TNNI3K: variants seen among roughly 807,000 people sequenced by gnomAD.
The protein encoded by TNNI3K is serine/threonine-protein kinase TNNI3K.
In TNNI3K, 140 loss-of-function variants were observed where a neutral mutation model predicts 114.5. The ratio of observed to expected loss-of-function variants is 1.22; its 90% CI spans 1.07 to 1.41. TNNI3K has a LOEUF of 1.41. TNNI3K is among the 40% of genes most tolerant of loss of function. TNNI3K has a pLI of 0.00. For missense variants in TNNI3K, 1,125 were observed against 1,007.6 expected (o/e 1.12, Z -1.58); for synonymous variants, 347 against 347.5 (o/e 1.00, Z 0.02).
intron 17 of TNNI3K, chr1:74,374,410 G>A (rs901498498): frequency 6.6e-6 from 1 of 151,824 alleles, no homozygotes; most frequent in African/African-American, 2.4e-5. Flanking sequence ...TACAGATAAG[G>A]AAACTGACTA....
At chr1:74,353,153 G>A in intron 9 of TNNI3K, 113 bp from the exon 10 acceptor site, 1 of 1,088,488 alleles carries the variant, frequency 9.2e-7, no homozygotes, top group Non-Finnish European at 1.3e-6. Flanking sequence ...TCATTGTCAG[G>A]TTATGGGGGT....
chr1:74,424,680 C>T (rs1160989171), intron 17 of TNNI3K, among the ~76,000 whole-genome samples: 2 of 144,844 alleles, frequency 1.4e-5, no homozygotes, highest in Non-Finnish European at 3.0e-5. Context: ...GAGATCTTGC[C>T]ACTGCACTCC....
chr1:74,505,377 G>A (rs1417094172), intron 23 of TNNI3K, among the ~76,000 whole-genome samples: 1 of 152,174 alleles, frequency 6.6e-6, no homozygotes, highest in Non-Finnish European at 1.5e-5. Context: ...TTTGTGTTGC[G>A]AAGCTGAATC....
chr1:74,267,488 A>G (rs539636833), intron 4 of TNNI3K, among the ~76,000 whole-genome samples: 5 of 152,116 alleles, frequency 3.3e-5, no homozygotes, highest in South Asian at 4.1e-4. Context: ...AGTAAGGTTC[A>G]GTTAGCACTT....
chr1:74,396,104 A>G (rs924297158), intron 17 of TNNI3K, among the ~76,000 whole-genome samples: 4 of 152,190 alleles, frequency 2.6e-5, no homozygotes, highest in Admixed American at 6.5e-5. Flanking sequence ...CCTTCTCTCA[A>G]TGAAAAGCTC....
intron 21 of TNNI3K, chr1:74,471,113 T>A (rs772930860): frequency 3.2e-5 from 13 of 400,658 alleles, no homozygotes; most frequent in Non-Finnish European, 5.7e-5. Flanking sequence ...AATTTTGATG[T>A]GTTTCCATCA....
At chr1:74,284,082 T>A (rs1412823) in intron 5 of TNNI3K, among the ~76,000 whole-genome samples, 88,999 of 152,020 alleles carry the variant, frequency 0.59, 29,922 homozygotes, top group East Asian at 0.82. Flanking sequence ...TTCTTCTTCT[T>A]CTTCTTCTTC....
Position 74,280,156 on chromosome 1 carries a change from G to C in TNNI3K, c.444+8448G>C, listed in dbSNP as rs530731797. 3.8e-3 allele frequency among the ~76,000 whole-genome samples: 573 copies of C among 152,290 alleles called. 4 individuals carry two copies. Among genetic ancestry groups the C allele is most frequent in the African/African-American group, 0.013 (549 of 41,560 alleles). On this transcript the variant is annotated intron_variant, in intron 5 of 24. Coordinates refer to ENST00000326637, the MANE Select transcript of TNNI3K (RefSeq NM_015978.3). ...CCACCACTTTGGGAGGCCGAGATGG[G>C]CTGTTCACGAGGTCAGGAGATCAAG... is the stretch of plus-strand genomic sequence containing the variant.
At chr1:74,326,215 G>A (rs1557498267) in intron 5 of TNNI3K, among the ~76,000 whole-genome samples, 1 of 152,196 alleles carries the variant, frequency 6.6e-6, no homozygotes, top group Admixed American at 6.5e-5. Flanking sequence ...TATTTGGTTT[G>A]GCAATTTCAA....
chr1:74,411,636 C>G (rs1372832539), intron 17 of TNNI3K, among the ~76,000 whole-genome samples: 1 of 151,926 alleles, frequency 6.6e-6, no homozygotes. Context: ...GTGTCTTACA[C>G]TGAGGGGATA....
chr1:74,397,731 G>A (rs1459523310), intron 17 of TNNI3K, among the ~76,000 whole-genome samples: 1 of 152,134 alleles, frequency 6.6e-6, no homozygotes, highest in Non-Finnish European at 1.5e-5. Context: ...TTGTGGATGG[G>A]TCATCCCAAG....
chr1:74,409,543 G>T (rs1237845734), intron 17 of TNNI3K, among the ~76,000 whole-genome samples: 1 of 145,982 alleles, frequency 6.9e-6, no homozygotes, highest in African/African-American at 2.5e-5. Flanking sequence ...ACCCAGGCTG[G>T]AGTGCAGTGG....
intron 5 of TNNI3K, among the ~76,000 whole-genome samples, chr1:74,272,909 A>G (rs1238248053): frequency 2.6e-5 from 4 of 151,954 alleles, no homozygotes; most frequent in South Asian, 2.1e-4. Context: ...TCAAAATCCC[A>G]TGATTGTCAC....
chr1:74,406,390 C>A (rs1415948217), intron 17 of TNNI3K, among the ~76,000 whole-genome samples: 1 of 152,144 alleles, frequency 6.6e-6, no homozygotes, highest in East Asian at 1.9e-4. Context: ...CAAGACAATT[C>A]TTCTTCCAGT....
At position 74,400,551 on chromosome 1, in the gene TNNI3K, T is replaced by A. The variant is rs1264576916; in HGVS notation, c.1772+30159T>A. On this transcript the variant is annotated intron_variant, in intron 17 of 24. Transcript: ENST00000326637. ...CCAAATGCACTGCATGTTGGCTCTATACTAGGACAGGGATGCATGGGGAAA... is the reference window on the plus strand; with the variant it reads ...CCAAATGCACTGCATGTTGGCTCTAAACTAGGACAGGGATGCATGGGGAAA... Among the ~76,000 whole-genome samples the A allele has an allele frequency of 2.0e-5, 3 of 152,194 alleles. No individual in the cohort carries two copies. In the East Asian group the frequency reaches 5.8e-4, roughly 29 times the overall value.
chr1:74,370,705 T>TA (rs1383338349), intron 17 of TNNI3K: 8 of 190,826 alleles, frequency 4.2e-5, no homozygotes, highest in Admixed American at 1.2e-4. Context: ...AAATGGCTAT[T>TA]AAAAAAATGA....
At chr1:74,382,481 A>G (rs2100551046) in intron 17 of TNNI3K, among the ~76,000 whole-genome samples, 1 of 152,324 alleles carries the variant, frequency 6.6e-6, no homozygotes, top group East Asian at 1.9e-4. Context: ...CTGCTGCATC[A>G]GTACTATTTG....
At chr1:74,507,655 T>G (rs1461715817) in intron 23 of TNNI3K, among the ~76,000 whole-genome samples, 1 of 152,194 alleles carries the variant, frequency 6.6e-6, no homozygotes, top group Non-Finnish European at 1.5e-5. Flanking sequence ...CACATTAGGA[T>G]GGTTCACTGA....
At chr1:74,266,222 C>T (rs778796354) in intron 4 of TNNI3K, among the ~76,000 whole-genome samples, 10 of 152,004 alleles carry the variant, frequency 6.6e-5, no homozygotes, top group Admixed American at 3.3e-4. Flanking sequence ...GGAGGCTTAA[C>T]ACACTGACTG....
Sources: allele counts gnomAD v4.1 joint callset (sites outside exome capture counted in the v4.1 genomes callset), GRCh38; gene constraint gnomAD v4.1.1; transcripts MANE v1.5; gene names NCBI Gene and HGNC (gene_info 2026-07-23, HGNC 2026-07-21).